The following EPHB1 variants were observed in gnomAD, a reference collection of about 807,000 sequenced individuals.
EPHB1 encodes the protein EPH receptor B1, also known as ephrin type-B receptor 1.
A neutral mutation model predicts 94.4 loss-of-function variants in EPHB1; 30 were observed. The observed-to-expected ratio is 0.32, with a 90% CI of 0.24 to 0.43. The LOEUF is 0.43. Ranked by LOEUF, EPHB1 falls within the 20% of genes least tolerant of loss-of-function variation. EPHB1 has a pLI of 1.00. For synonymous variants in EPHB1, 522 were observed against 489.1 expected (o/e 1.07, Z -0.89); for missense variants, 1,055 against 1,308.3 (o/e 0.81, Z 2.99).
intron 3 of EPHB1, among the ~76,000 whole-genome samples, chr3:135,024,748 C>T (rs1039904500): frequency 3.3e-5 from 5 of 152,160 alleles, no homozygotes; most frequent in Admixed American, 6.5e-5. Flanking sequence ...TCTCCCCTAC[C>T]CCATTCTTTT....
At chr3:135,119,501 G>C (rs1347586834) in intron 4 of EPHB1, among the ~76,000 whole-genome samples, 1 of 151,822 alleles carries the variant, frequency 6.6e-6, no homozygotes, top group Non-Finnish European at 1.5e-5. Context: ...TGCCCAGGCT[G>C]GGGTGCAGTG....
chr3:135,114,558 A>AAAAG (rs1381047919), intron 4 of EPHB1, among the ~76,000 whole-genome samples: 8 of 147,954 alleles, frequency 5.4e-5, no homozygotes, highest in African/African-American at 1.7e-4. Flanking sequence ...AAAAAAAAAA[A>AAAAG]AAAAAAAATA....
chr3:134,901,517 T>C (rs2038203768), intron 1 of EPHB1, among the ~76,000 whole-genome samples: 1 of 152,262 alleles, frequency 6.6e-6, no homozygotes, highest in Non-Finnish European at 1.5e-5. Context: ...ACCTGGAGGC[T>C]TGGGCAGGTT....
chr3:134,846,424 A>G (rs751771736), intron 1 of EPHB1, among the ~76,000 whole-genome samples: 4 of 152,070 alleles, frequency 2.6e-5, no homozygotes, highest in Non-Finnish European at 4.4e-5. Flanking sequence ...ATACCTTCCA[A>G]GCCTTGCATT....
Position 135,259,122 on chromosome 3 carries a change from A to T in EPHB1, c.*2A>T, listed in dbSNP as rs1933541268. 8 of 1,603,292 alleles carry T rather than the reference A, an allele frequency of 5.0e-6. No homozygotes were observed. Among genetic ancestry groups the T allele is most frequent in the Non-Finnish European group, 6.8e-6 (8 of 1,174,406 alleles). On this transcript the variant is annotated 3_prime_UTR_variant, in exon 16 of 16. Coordinates refer to ENST00000398015, the MANE Select transcript of EPHB1 (RefSeq NM_004441.5). ...CAGTCACCAACGGCAATGGCATGAGAACTCTTGTTTCTTGGGGAAGGAGAG... is the reference window on the plus strand; with the variant it reads ...CAGTCACCAACGGCAATGGCATGAGTACTCTTGTTTCTTGGGGAAGGAGAG...
chr3:135,205,707 G>A (rs1576468190), intron 12 of EPHB1, among the ~76,000 whole-genome samples: 1 of 151,964 alleles, frequency 6.6e-6, no homozygotes, highest in South Asian at 2.1e-4. Context: ...TAATATCTTG[G>A]TACATTTGCT....
At chr3:134,899,571 A>G (rs1340599328) in intron 1 of EPHB1, among the ~76,000 whole-genome samples, 1 of 152,204 alleles carries the variant, frequency 6.6e-6, no homozygotes, top group East Asian at 1.9e-4. Context: ...TTCTAAATAT[A>G]GTGTTTATCA....
chr3:135,164,878 A>G lies in EPHB1; in HGVS notation c.1586-1090A>G, dbSNP rs113619498. Reference sequence around the variant, plus strand: ...AGATAAAAAATAAGATGAACAGTTAAATTTGAATTTCAGACAAACAAAAAT... The same window carrying G: ...AGATAAAAAATAAGATGAACAGTTAGATTTGAATTTCAGACAAACAAAAAT... On this transcript the variant is annotated intron_variant, in intron 7 of 15. Transcript: ENST00000398015. 1.0e-3 allele frequency among the ~76,000 whole-genome samples: 157 copies of G among 152,060 alleles called. 2 individuals carry two copies. The highest frequency in any genetic ancestry group is 3.7e-3 in the African/African-American group (153 of 41,496).
rs933401763 is a variant in EPHB1, at chr3:135,243,564, T to C, written c.2496+2267T>C. Among the ~76,000 whole-genome samples the C allele has an allele frequency of 3.9e-5, 6 of 152,168 alleles. No homozygotes were observed. In the South Asian group the frequency reaches 6.2e-4, roughly 16 times the overall value. On this transcript the variant is annotated intron_variant, in intron 13 of 15. Coordinates refer to ENST00000398015, the MANE Select transcript of EPHB1 (RefSeq NM_004441.5). ...TTTGCTCCTCGTGGGAGGCAAGAGGTGACTTCATGCCCATTCAGAAAGCTT... is the reference window on the plus strand; with the variant it reads ...TTTGCTCCTCGTGGGAGGCAAGAGGCGACTTCATGCCCATTCAGAAAGCTT...
chr3:134,894,631 G>T (rs574937895), intron 1 of EPHB1, among the ~76,000 whole-genome samples: 1 of 152,296 alleles, frequency 6.6e-6, no homozygotes, highest in South Asian at 2.1e-4. Flanking sequence ...CAATGGGGAG[G>T]TTCAGTTCAG....
chr3:135,035,291 C>T (rs944672728), intron 3 of EPHB1, among the ~76,000 whole-genome samples: 6 of 152,312 alleles, frequency 3.9e-5, no homozygotes, highest in Non-Finnish European at 7.4e-5. Flanking sequence ...GTCTAGTTTC[C>T]GTTGTCCACA....
chr3:135,086,251 C>T (rs866327701), intron 3 of EPHB1, among the ~76,000 whole-genome samples: 2 of 150,412 alleles, frequency 1.3e-5, no homozygotes, highest in South Asian at 4.2e-4. Context: ...CAACAGGATC[C>T]TTAATGACCT....
chr3:135,057,225 C>T (rs1397216090), intron 3 of EPHB1, among the ~76,000 whole-genome samples: 1 of 152,086 alleles, frequency 6.6e-6, no homozygotes, highest in Non-Finnish European at 1.5e-5. Flanking sequence ...GTGTCTTTCC[C>T]AGCAGGAGTC....
intron 1 of EPHB1, among the ~76,000 whole-genome samples, chr3:134,820,682 G>C (rs2036363449): frequency 1.3e-5 from 2 of 152,028 alleles, no homozygotes; most frequent in South Asian, 4.2e-4. Flanking sequence ...TGTTTGCCTG[G>C]GTTACCTACA....
chr3:134,891,527 T>A (rs1415737708), intron 1 of EPHB1, among the ~76,000 whole-genome samples: 1 of 152,218 alleles, frequency 6.6e-6, no homozygotes. Context: ...TTGTGAGTTT[T>A]AAAAAAATCA....
At chr3:135,256,237 A>T (rs1933379320) in intron 15 of EPHB1, among the ~76,000 whole-genome samples, 1 of 152,106 alleles carries the variant, frequency 6.6e-6, no homozygotes, top group South Asian at 2.1e-4. Flanking sequence ...TAATATTGTT[A>T]TGTGTGAATT....
chr3:135,153,517 GA>G, intron 5 of EPHB1, among the ~76,000 whole-genome samples: 1 of 152,232 alleles, frequency 6.6e-6, no homozygotes, highest in East Asian at 1.9e-4. Flanking sequence ...TTATACTTGT[GA>G]ACTCCTTATT....
intron 3 of EPHB1, among the ~76,000 whole-genome samples, chr3:135,010,558 GTTTTTTTT>G (rs58579496): frequency 2.3e-4 from 25 of 110,384 alleles, no homozygotes; most frequent in Middle Eastern, 5.1e-3. Context: ...ATTTTTTTCT[GTTTTTTTT>G]TTTTTTTTTT....
intron 1 of EPHB1, among the ~76,000 whole-genome samples, chr3:134,810,511 A>G (rs138416906): frequency 2.1e-3 from 324 of 152,270 alleles, no homozygotes; most frequent in Middle Eastern, 6.8e-3. Flanking sequence ...AGGAGGACTG[A>G]CCTTTGCAAC....
Sources: gnomAD v4.1 joint callset for allele counts (sites outside exome capture counted in the v4.1 genomes callset) on GRCh38, gnomAD v4.1.1 for gene constraint, MANE v1.5 for transcripts, NCBI Gene and HGNC (gene_info 2026-07-23, HGNC 2026-07-21) for gene names.